The following PDE7A variants were observed in gnomAD, a reference collection of about 807,000 sequenced individuals.
PDE7A encodes the protein high affinity 3',5'-cyclic-AMP phosphodiesterase 7A.
In PDE7A, 39 loss-of-function variants were observed where a neutral mutation model predicts 64.3. That is an observed-to-expected ratio of 0.61 (90% CI 0.47 to 0.79). The LOEUF is 0.79. Among genes scored for constraint, PDE7A ranks in the 30% least tolerant of loss-of-function variants. The pLI is 0.00. For synonymous variants in PDE7A, 203 were observed against 206.8 expected, an observed-to-expected ratio of 0.98 and a Z score of 0.16; for missense variants, 470 against 582.8, an observed-to-expected ratio of 0.81 and a Z score of 1.99.
chr8:65,814,569 AC>A (rs1810345600), intron 1 of PDE7A, among the ~76,000 whole-genome samples: 1 of 129,000 alleles, frequency 7.8e-6, no homozygotes. Flanking sequence ...TAATACGTAC[AC>A]ATATAATACA....
At chr8:65,748,334 A>G (rs1174328050) in intron 3 of PDE7A, among the ~76,000 whole-genome samples, 1 of 152,202 alleles carries the variant, frequency 6.6e-6, no homozygotes, top group Non-Finnish European at 1.5e-5. Context: ...AAGGGGGAGC[A>G]AAGTGGTTTA....
At chr8:65,755,024 AT>A (rs113923652) in intron 3 of PDE7A, among the ~76,000 whole-genome samples, 23,090 of 136,540 alleles carry the variant, frequency 0.17, 2,029 homozygotes, top group East Asian at 0.46. Context: ...TTTTTCACTT[AT>A]TTTTTTTTTT....
chr8:65,726,937 C>T lies in PDE7A; in HGVS notation c.858G>A (p.Trp286Ter). 1 of 1,604,698 alleles carries T rather than the reference C, an allele frequency of 6.2e-7. No individual in the cohort carries two copies. Among genetic ancestry groups the T allele is most frequent in the Non-Finnish European group, 8.5e-7 (1 of 1,171,874 alleles). Residue 286 changes from tryptophan to a stop codon, truncating the protein, a stop_gained, in exon 9 of 13, where the codon TGG becomes TGA. Coordinates refer to ENST00000401827, the MANE Select transcript of PDE7A (RefSeq NM_001242318.3). LOFTEE classifies it high-confidence loss of function. ...CTCTCAATAAGCCCACTGCAGATCTCCAGTGGTGATTTTCCAGTACTGAGG... is the reference window on the plus strand; with the variant it reads ...CTCTCAATAAGCCCACTGCAGATCTTCAGTGGTGATTTTCCAGTACTGAGG... ...KNTSVLENHH[W>*]RSAVGLLRES...
At chr8:65,797,237 T>C (rs1198980768) in intron 1 of PDE7A, among the ~76,000 whole-genome samples, 1 of 152,152 alleles carries the variant, frequency 6.6e-6, no homozygotes, top group Non-Finnish European at 1.5e-5. Flanking sequence ...GTGACCTCAT[T>C]TGGAAACAGG....
intron 7 of PDE7A, among the ~76,000 whole-genome samples, chr8:65,730,687 C>T (rs1214869277): frequency 6.6e-6 from 1 of 152,060 alleles, no homozygotes; most frequent in Non-Finnish European, 1.5e-5. Context: ...CAGCACTTTG[C>T]AGGGCCAAGG....
At chr8:65,778,546 A>C (rs1407761144) in intron 3 of PDE7A, among the ~76,000 whole-genome samples, 1 of 152,210 alleles carries the variant, frequency 6.6e-6, no homozygotes, top group African/African-American at 2.4e-5. Context: ...CCCTGACTGA[A>C]TTCCTGATTC....
intron 3 of PDE7A, among the ~76,000 whole-genome samples, chr8:65,761,481 CTATT>C (rs1206006814): frequency 6.6e-6 from 1 of 152,212 alleles, no homozygotes; most frequent in Non-Finnish European, 1.5e-5. Context: ...CAAGCCTGGA[CTATT>C]TATTTTAAGT....
At chr8:65,780,969 C>G (rs1809399592) in intron 2 of PDE7A, 1 of 152,218 alleles carries the variant, frequency 6.6e-6, no homozygotes, top group African/African-American at 2.4e-5. Context: ...GTTAACATGT[C>G]AAGCACTGGA....
chr8:65,769,247 CAAA>C (rs61554087), intron 3 of PDE7A, among the ~76,000 whole-genome samples: 3 of 74,452 alleles, frequency 4.0e-5, no homozygotes, highest in African/African-American at 1.0e-4. Context: ...GACTCAGTCT[CAAA>C]AAAAAAAAAA....
At chr8:65,740,602 T>A (rs770988279) in intron 5 of PDE7A, among the ~76,000 whole-genome samples, 1 of 151,968 alleles carries the variant, frequency 6.6e-6, no homozygotes, top group Non-Finnish European at 1.5e-5. Context: ...GGGTTTCACT[T>A]TGTTGGCCAG....
Position 65,820,876 on chromosome 8 carries a change from C to T in PDE7A, c.138+20495G>A, listed in dbSNP as rs1810525605. On this transcript the variant is annotated intron_variant, in intron 1 of 12. Transcript: ENST00000401827. ...AAGTGCTGGGATTACAGGCGTGAGC[C>T]ACCATGCCTGGCTGAAATTGTTGAT... 2.6e-5 allele frequency among the ~76,000 whole-genome samples: 4 copies of T among 152,196 alleles called. 1 individual carries two copies. The South Asian group carries it at 8.3e-4, about 31-fold the overall frequency.
intron 3 of PDE7A, chr8:65,771,059 C>G (rs1471028194): frequency 2.7e-6 from 1 of 374,030 alleles, no homozygotes. Flanking sequence ...ACAATCCAAA[C>G]CACAATAATT....
At chr8:65,773,195 T>C (rs1201259015) in intron 3 of PDE7A, among the ~76,000 whole-genome samples, 1 of 152,082 alleles carries the variant, frequency 6.6e-6, no homozygotes, top group Non-Finnish European at 1.5e-5. Context: ...ACACACTAGA[T>C]TACAATTTCA....
chr8:65,751,702 G>C (rs901853499), intron 3 of PDE7A, among the ~76,000 whole-genome samples: 22 of 152,326 alleles, frequency 1.4e-4, no homozygotes, highest in African/African-American at 4.8e-4. Context: ...ATGTTGGTCA[G>C]GCTGGTCTCG....
chr8:65,771,983 C>G (rs1809108923), intron 3 of PDE7A, among the ~76,000 whole-genome samples: 1 of 150,000 alleles, frequency 6.7e-6, no homozygotes, highest in Non-Finnish European at 1.5e-5. Context: ...CAACCTCAGA[C>G]AGTGGTGATA....
At position 65,732,802 on chromosome 8, in the gene PDE7A, C is replaced by T. The variant is rs117623152; in HGVS notation, c.696+1992G>A. On this transcript the variant is annotated intron_variant, in intron 7 of 12. Transcript: ENST00000401827. ...TATTGAGATTACAGGCATGAGCCAC[C>T]GCACTTGGACCTACTTCAAATTTTT... 1.3e-3 allele frequency among the ~76,000 whole-genome samples: 197 copies of T among 152,302 alleles called. 5 individuals are homozygous for T. The East Asian group carries it at 0.032, about 25-fold the overall frequency.
intron 3 of PDE7A, among the ~76,000 whole-genome samples, chr8:65,757,738 C>T (rs1022379449): frequency 7.9e-5 from 12 of 152,162 alleles, no homozygotes; most frequent in Admixed American, 3.9e-4. Flanking sequence ...TCTGCCTCAG[C>T]CTCCTGAGTA....
chr8:65,719,325 A>C lies in PDE7A; in HGVS notation c.1414T>G (p.Ser472Ala), dbSNP rs1171972726. 1.9e-6 allele frequency: 3 copies of C among 1,613,902 alleles called. No homozygotes were observed. The highest frequency in any genetic ancestry group is 2.7e-5 in the African/African-American group (2 of 74,902). ...CGATTTTCCTGAGGTAATAACTGTG[A>C]GTTCAACTCAAATGCAGCATCAGTG... is the stretch of plus-strand genomic sequence containing the variant. ...EDTDAAFELN[S>A]QLLPQENRLS Residue 472 changes from serine (S) to alanine (A), a missense_variant, in exon 13 of 13, where the codon TCA (serine) becomes GCA (alanine). By Grantham distance (99) the Ser-to-Ala change is moderately conservative. Transcript: ENST00000401827.
chr8:65,724,681 T>A, intron 10 of PDE7A, 96 bp downstream of exon 10: 1 of 1,086,728 alleles, frequency 9.2e-7, no homozygotes, highest in East Asian at 2.5e-5. Context: ...CCTCAAGATT[T>A]AACCATTCTG....
Sources: gnomAD v4.1 joint callset for allele counts (sites outside exome capture counted in the v4.1 genomes callset) on GRCh38, gnomAD v4.1.1 for gene constraint, MANE v1.5 for transcripts, NCBI Gene and HGNC (gene_info 2026-07-23, HGNC 2026-07-21) for gene names.